Variants in TSPAN7 observed in about 807,000 individuals in gnomAD.
The protein encoded by TSPAN7 is tetraspanin-7.
A neutral mutation model predicts 17.6 loss-of-function variants in TSPAN7; 1 was observed. That is an observed-to-expected ratio of 0.06 (90% CI 0.02 to 0.27). The LOEUF (loss-of-function observed/expected upper bound fraction) is 0.27, where lower values mean the gene tolerates loss of function less well. Ranked by LOEUF, TSPAN7 falls within the 10% of genes least tolerant of loss-of-function variation. The pLI is 1.00. For synonymous variants in TSPAN7, 78 were observed against 79.0 expected (o/e 0.99, Z 0.07); for missense variants, 112 against 201.7 (o/e 0.56, Z 2.69).
intron 1 of TSPAN7, among the ~76,000 whole-genome samples, chrX:38,630,073 G>A (rs2069541722): frequency 9.0e-6 from 1 of 111,553 alleles, no homozygotes; most frequent in Admixed American, 9.6e-5. Context: ...TTAGAATGTT[G>A]TTAAGGAGAA....
intron 1 of TSPAN7, among the ~76,000 whole-genome samples, chrX:38,657,397 A>T (rs2069710792): frequency 8.9e-6 from 1 of 111,911 alleles, no homozygotes; most frequent in African/African-American, 3.3e-5. Context: ...TACTGTCACC[A>T]TATGGGTCCA....
chrX:38,584,404 A>G (rs1345423015), intron 1 of TSPAN7, among the ~76,000 whole-genome samples: 1 of 111,837 alleles, frequency 8.9e-6, no homozygotes, highest in Non-Finnish European at 1.9e-5. Flanking sequence ...GAACTAATGA[A>G]ATTAGGGTGG....
At chrX:38,684,410 G>A (rs2069913258) in intron 6 of TSPAN7, among the ~76,000 whole-genome samples, 2 of 111,425 alleles carry the variant, frequency 1.8e-5, no homozygotes, top group Non-Finnish European at 1.9e-5. Context: ...GCAGAAGGTT[G>A]AGTGTGTTTA....
intron 1 of TSPAN7, among the ~76,000 whole-genome samples, chrX:38,629,555 A>G (rs1008072715): frequency 8.0e-5 from 9 of 111,813 alleles, no homozygotes; most frequent in Non-Finnish European, 9.4e-5. Flanking sequence ...ATTTATGTGG[A>G]TGCATACACA....
intron 1 of TSPAN7, among the ~76,000 whole-genome samples, chrX:38,590,303 T>C (rs1602090495): frequency 9.0e-6 from 1 of 111,713 alleles, no homozygotes; most frequent in African/African-American, 3.3e-5. Context: ...GGAGTCTCAT[T>C]GTGTTGCCCA....
At chrX:38,651,050 C>CATATATATATAT (rs34201318) in intron 1 of TSPAN7, among the ~76,000 whole-genome samples, 23 of 98,126 alleles carry the variant, frequency 2.3e-4, no homozygotes, top group African/African-American at 8.7e-4. Context: ...AATGTGATTA[C>CATATATATATAT]ATATATATAT....
chrX:38,566,322 G>T, intron 1 of TSPAN7: 2 of 955,611 alleles, frequency 2.1e-6, no homozygotes, highest in Non-Finnish European at 2.7e-6. Flanking sequence ...TTATTTTCAG[G>T]TCTATAGAAG....
chrX:38,577,133 G>C (rs1054572766), intron 1 of TSPAN7, among the ~76,000 whole-genome samples: 9 of 111,710 alleles, frequency 8.1e-5, no homozygotes, highest in Admixed American at 2.9e-4. Context: ...TAAAGAGCAT[G>C]GATGATGGTG....
At chrX:38,581,826 A>C (rs1167482481) in intron 1 of TSPAN7, among the ~76,000 whole-genome samples, 1 of 112,571 alleles carries the variant, frequency 8.9e-6, no homozygotes, top group Non-Finnish European at 1.9e-5. Flanking sequence ...CTATGGCTAT[A>C]AGCCCCCAAC....
At chrX:38,627,455 T>C (rs1440039725) in intron 1 of TSPAN7, among the ~76,000 whole-genome samples, 1 of 112,179 alleles carries the variant, frequency 8.9e-6, no homozygotes, top group East Asian at 2.8e-4. Flanking sequence ...GTTACGTCAG[T>C]GAGGTAATAC....
At chrX:38,599,965 T>G (rs2147410509) in intron 1 of TSPAN7, among the ~76,000 whole-genome samples, 1 of 112,074 alleles carries the variant, frequency 8.9e-6, no homozygotes, top group East Asian at 2.8e-4. Flanking sequence ...CAAGACAATG[T>G]GCATTTATTT....
chrX:38,688,351 G>A lies in TSPAN7; in HGVS notation c.*420G>A, dbSNP rs1248979012. ...CTGTTAGCTCCTCACTGTGGTAAAT[G>A]CCACACACCTTTAAGTAGATAAGCA... On this transcript the variant is annotated 3_prime_UTR_variant, in exon 8 of 8. Coordinates refer to ENST00000378482, the MANE Select transcript of TSPAN7 (RefSeq NM_004615.4). 1 of 113,449 alleles carries A rather than the reference G, an allele frequency of 8.8e-6. No homozygotes were observed. Among genetic ancestry groups the A allele is most frequent in the Non-Finnish European group, 1.9e-5 (1 of 53,481 alleles). The allele number at this position is 113,449 out of a possible 1,213,427, so 9.3% of individuals were successfully genotyped here.
chrX:38,581,502 C>A (rs192254236), intron 1 of TSPAN7, among the ~76,000 whole-genome samples: 2 of 111,412 alleles, frequency 1.8e-5, no homozygotes, highest in Admixed American at 9.5e-5. Flanking sequence ...AGACCCCCCC[C>A]TCATGATTCA....
intron 1 of TSPAN7, among the ~76,000 whole-genome samples, chrX:38,593,281 T>C: frequency 9.0e-6 from 1 of 111,217 alleles, no homozygotes; most frequent in East Asian, 2.8e-4. Context: ...GTGGGCTTAT[T>C]GTTTGCATAA....
chrX:38,613,506 C>G (rs760793849), intron 1 of TSPAN7, among the ~76,000 whole-genome samples: 1 of 111,405 alleles, frequency 9.0e-6, no homozygotes, highest in East Asian at 2.8e-4. Context: ...ATAGAGTGAT[C>G]TGGGTTGGGC....
intron 1 of TSPAN7, among the ~76,000 whole-genome samples, chrX:38,590,347 T>G (rs1454572902): frequency 8.9e-6 from 1 of 112,307 alleles, no homozygotes; most frequent in Non-Finnish European, 1.9e-5. Context: ...TAATTAGAAT[T>G]TATGCATCAA....
At chrX:38,653,733 C>G (rs971484823) in intron 1 of TSPAN7, among the ~76,000 whole-genome samples, 19 of 111,945 alleles carry the variant, frequency 1.7e-4, no homozygotes, top group African/African-American at 5.2e-4. Context: ...ATAGATTTAC[C>G]TGCTTGAAGG....
At chrX:38,589,205 T>TG (rs1471192780) in intron 1 of TSPAN7, among the ~76,000 whole-genome samples, 1 of 112,085 alleles carries the variant, frequency 8.9e-6, no homozygotes. Context: ...TTTCAAAACC[T>TG]GGGGTGTGAG....
At chrX:38,674,938 C>A (rs936107469) in intron 4 of TSPAN7, among the ~76,000 whole-genome samples, 1 of 111,900 alleles carries the variant, frequency 8.9e-6, no homozygotes, top group African/African-American at 3.3e-5. Flanking sequence ...CAGAAGAAGT[C>A]TTTTTTCTAA....
Sources: gnomAD v4.1 joint callset for allele counts (sites outside exome capture counted in the v4.1 genomes callset) on GRCh38, gnomAD v4.1.1 for gene constraint, MANE v1.5 for transcripts, NCBI Gene and HGNC (gene_info 2026-07-23, HGNC 2026-07-21) for gene names.